The following FNDC3A variants were observed in gnomAD, a reference collection of about 807,000 sequenced individuals.
FNDC3A encodes fibronectin type-III domain-containing protein 3A.
Under a neutral mutation model 148.9 loss-of-function variants are expected in FNDC3A, and 32 were observed. The observed-to-expected ratio is 0.21, with a 90% CI of 0.16 to 0.29. The LOEUF (loss-of-function observed/expected upper bound fraction) is 0.29, where lower values mean the gene tolerates loss of function less well. Ranked by LOEUF, FNDC3A falls within the 10% of genes least tolerant of loss-of-function variation. FNDC3A has a pLI of 1.00. For missense variants in FNDC3A, 1,191 were observed against 1,452.8 expected (o/e 0.82, Z 2.93); for synonymous variants, 472 against 473.6 (o/e 1.00, Z 0.04).
chr13:49,135,146 C>A (rs1423611488), intron 5 of FNDC3A, among the ~76,000 whole-genome samples: 1 of 152,094 alleles, frequency 6.6e-6, no homozygotes, highest in South Asian at 2.1e-4. Flanking sequence ...TGAGCCACTG[C>A]GCCCAGCCCC....
intron 3 of FNDC3A, among the ~76,000 whole-genome samples, chr13:49,086,696 A>T (rs1445962349): frequency 6.6e-6 from 1 of 152,182 alleles, no homozygotes; most frequent in African/African-American, 2.4e-5. Context: ...TTCTTTATAC[A>T]TTACTTAAAC....
chr13:49,205,505 C>T (rs906829318), intron 25 of FNDC3A, among the ~76,000 whole-genome samples: 1 of 152,012 alleles, frequency 6.6e-6, no homozygotes, highest in Non-Finnish European at 1.5e-5. Flanking sequence ...TTTTGAGGAT[C>T]GATATGACAC....
intron 3 of FNDC3A, among the ~76,000 whole-genome samples, chr13:49,086,841 C>T (rs966195471): frequency 6.6e-6 from 1 of 152,024 alleles, no homozygotes; most frequent in African/African-American, 2.4e-5. Flanking sequence ...TAATTAGAGT[C>T]GCTCAAAATA....
At chr13:49,089,485 T>G (rs1376654058) in intron 3 of FNDC3A, among the ~76,000 whole-genome samples, 1 of 152,210 alleles carries the variant, frequency 6.6e-6, no homozygotes, top group African/African-American at 2.4e-5. Context: ...TGAGTCCTTA[T>G]GAAAAGAGGG....
At chr13:49,022,042 C>G (rs769686425) in intron 2 of FNDC3A, among the ~76,000 whole-genome samples, 30 of 152,062 alleles carry the variant, frequency 2.0e-4, no homozygotes, top group Non-Finnish European at 4.0e-4. Context: ...GTATTTTTTT[C>G]ATCTGACTCA....
At chr13:49,027,017 G>GTT (rs912299945) in intron 2 of FNDC3A, among the ~76,000 whole-genome samples, 1 of 147,686 alleles carries the variant, frequency 6.8e-6, no homozygotes, top group African/African-American at 2.5e-5. Flanking sequence ...AAACCTGATA[G>GTT]TTTTTTTTTT....
intron 2 of FNDC3A, among the ~76,000 whole-genome samples, chr13:49,058,999 A>G (rs1876459882): frequency 6.6e-6 from 1 of 152,210 alleles, no homozygotes; most frequent in Admixed American, 6.5e-5. Flanking sequence ...TAACAGGACC[A>G]GAGGTAAGGT....
rs1885884779 is a variant in FNDC3A at position 49,191,463 on chromosome 13, A to T, written c.2226+79A>T. On this transcript the variant is annotated intron_variant, in intron 19 of 25. Transcript: ENST00000492622. ...TTTAACATATATCATCATATCCATTATTTGGCCATTTGGCTTTAACATATG... is the reference window on the plus strand; with the variant it reads ...TTTAACATATATCATCATATCCATTTTTTGGCCATTTGGCTTTAACATATG... 2.5e-6 allele frequency: 3 copies of T among 1,202,038 alleles called. No individual in the cohort carries two copies. In the Admixed American group the frequency reaches 8.1e-5, roughly 32 times the overall value. The allele number at this position is 1,202,038 out of a possible 1,614,324, so 74.5% of individuals were successfully genotyped here.
At chr13:49,088,148 A>G (rs748617971) in intron 3 of FNDC3A, among the ~76,000 whole-genome samples, 2 of 152,170 alleles carry the variant, frequency 1.3e-5, no homozygotes, top group Non-Finnish European at 2.9e-5. Flanking sequence ...AACCTTTTAT[A>G]TATGAATAAT....
intron 2 of FNDC3A, among the ~76,000 whole-genome samples, chr13:49,063,322 CTAAA>C (rs1877027014): frequency 1.3e-5 from 2 of 151,946 alleles, no homozygotes; most frequent in Admixed American, 6.6e-5. Context: ...GAAAGAAACT[CTAAA>C]TATACTAAAA....
At chr13:49,089,835 C>T (rs1395774684) in intron 3 of FNDC3A, among the ~76,000 whole-genome samples, 1 of 152,172 alleles carries the variant, frequency 6.6e-6, no homozygotes, top group Non-Finnish European at 1.5e-5. Context: ...TGAATGGGTA[C>T]TTTTTAAAAC....
rs544878131 is a variant in FNDC3A at position 49,143,253 on chromosome 13, G to A, written c.820-2525G>A. ...AAAAAGTTGAAATTGGCCCAGTGCA[G>A]TGGCTCACACCTCTAATCCCAATAC... On this transcript the variant is annotated intron_variant, in intron 7 of 25. Coordinates refer to ENST00000492622, the MANE Select transcript of FNDC3A (RefSeq NM_001079673.2). Among the ~76,000 whole-genome samples the A allele has an allele frequency of 3.9e-5, 6 of 152,256 alleles. No individual in the cohort carries two copies. In the East Asian group the frequency reaches 5.8e-4, roughly 15 times the overall value.
chr13:49,057,770 C>T (rs950529649), intron 2 of FNDC3A, among the ~76,000 whole-genome samples: 2 of 151,966 alleles, frequency 1.3e-5, no homozygotes, highest in East Asian at 1.9e-4. Flanking sequence ...ATTAGAATGA[C>T]TTATTGAAAA....
At chr13:49,202,860 G>T (rs1051470041) in intron 24 of FNDC3A, among the ~76,000 whole-genome samples, 2 of 152,182 alleles carry the variant, frequency 1.3e-5, no homozygotes, top group Non-Finnish European at 2.9e-5. Flanking sequence ...TTTTGAATCA[G>T]CTGGGCATGG....
chr13:49,198,008 T>C lies in FNDC3A; in HGVS notation c.2517T>C (p.Pro839=). ...CTCTGAGTGTTGTGGGTGCAGGCCCTTTCAGTGAAGTAGTAGCCTGTGTGA... is the reference window on the plus strand; with the variant it reads ...CTCTGAGTGTTGTGGGTGCAGGCCCCTTCAGTGAAGTAGTAGCCTGTGTGA... ...VQALSVVGAG[P]FSEVVACVTP... is the part of the protein sequence containing the mutation. Residue 839 remains proline, a synonymous_variant, in exon 22 of 26, where the codon CCT becomes CCC. Transcript: ENST00000492622. 1 of 1,614,084 alleles carries C rather than the reference T, an allele frequency of 6.2e-7. No individual in the cohort carries two copies.
At chr13:49,146,446 A>G (rs1882997840) in intron 8 of FNDC3A, 1 of 153,022 alleles carries the variant, frequency 6.5e-6, no homozygotes. Context: ...TTAAAAGTAT[A>G]TTACACACAG....
chr13:48,997,736 T>C (rs936676388), intron 1 of FNDC3A, among the ~76,000 whole-genome samples: 1 of 152,200 alleles, frequency 6.6e-6, no homozygotes, highest in East Asian at 1.9e-4. Flanking sequence ...GTCTGTTGTT[T>C]AAAGCAACCA....
chr13:49,188,630 T>C lies in FNDC3A; in HGVS notation c.1941T>C (p.Ser647=). ...RVYCISDGGQ[S]AVSESLLVQT... is the part of the protein sequence containing the mutation. ...ACTGCATCAGTGATGGAGGACAGAGTGCGGTAATACTTATATGTAGATTCT... is the reference window on the plus strand; with the variant it reads ...ACTGCATCAGTGATGGAGGACAGAGCGCGGTAATACTTATATGTAGATTCT... The change falls in exon 17 of 26, where the codon AGT becomes AGC. Residue 647 remains serine (S), a synonymous_variant. Coordinates refer to ENST00000492622, the MANE Select transcript of FNDC3A (RefSeq NM_001079673.2). 6.3e-7 allele frequency: 1 copy of C among 1,593,808 alleles called. No homozygotes were observed. The highest frequency in any genetic ancestry group is 8.6e-7 in the Non-Finnish European group (1 of 1,161,556).
intron 10 of FNDC3A, among the ~76,000 whole-genome samples, chr13:49,171,625 TC>T (rs1007468937): frequency 6.6e-6 from 1 of 152,166 alleles, no homozygotes; most frequent in Non-Finnish European, 1.5e-5. Context: ...CTCTCAGAGC[TC>T]CTTTCAGCAC....
Sources: allele counts gnomAD v4.1 joint callset (sites outside exome capture counted in the v4.1 genomes callset), GRCh38; gene constraint gnomAD v4.1.1; transcripts MANE v1.5; gene names NCBI Gene and HGNC (gene_info 2026-07-23, HGNC 2026-07-21).